PTPRD: variants seen among roughly 807,000 people sequenced by gnomAD.
PTPRD encodes the protein protein tyrosine phosphatase receptor type D.
A neutral mutation model predicts 214.5 loss-of-function variants in PTPRD; 34 were observed. The ratio of observed to expected loss-of-function variants is 0.16; its 90% CI spans 0.12 to 0.21. PTPRD has a LOEUF of 0.21. Among genes scored for constraint, PTPRD ranks in the 10% least tolerant of loss-of-function variants. The pLI is 1.00. For missense variants in PTPRD, 2,545 were observed against 2,398.7 expected, an observed-to-expected ratio of 1.06 and a Z score of -1.27; for synonymous variants, 1,128 against 845.7, an observed-to-expected ratio of 1.33 and a Z score of -5.79.
At chr9:8,920,903 G>A (rs1001880690) in intron 11 of PTPRD, among the ~76,000 whole-genome samples, 3 of 151,848 alleles carry the variant, frequency 2.0e-5, no homozygotes, top group Non-Finnish European at 2.9e-5. Flanking sequence ...AACCTCTGCC[G>A]CACAGGATCA....
chr9:8,590,043 A>C (rs1345921605), intron 14 of PTPRD, among the ~76,000 whole-genome samples: 1 of 152,122 alleles, frequency 6.6e-6, no homozygotes, highest in East Asian at 1.9e-4. Context: ...TGCAATGTTC[A>C]CGAGGTTCCA....
chr9:8,414,971 GAGAC>G (rs1164793377), intron 35 of PTPRD, among the ~76,000 whole-genome samples: 38 of 144,668 alleles, frequency 2.6e-4, no homozygotes, highest in African/African-American at 7.3e-4. Flanking sequence ...GAGAGAGAGA[GAGAC>G]AGACAGACAG....
chr9:8,763,893 C>T (rs766394015), intron 11 of PTPRD, among the ~76,000 whole-genome samples: 60 of 152,130 alleles, frequency 3.9e-4, no homozygotes, highest in Non-Finnish European at 7.5e-4. Context: ...CTCTCATTAG[C>T]TTACTAAATA....
At chr9:9,954,834 G>A (rs1427124342) in intron 4 of PTPRD, among the ~76,000 whole-genome samples, 2 of 151,948 alleles carry the variant, frequency 1.3e-5, no homozygotes, top group Non-Finnish European at 2.9e-5. Flanking sequence ...TCCTTCAAAT[G>A]GCTATATTGA....
At chr9:10,089,999 C>G (rs2098409458) in intron 3 of PTPRD, among the ~76,000 whole-genome samples, 1 of 151,382 alleles carries the variant, frequency 6.6e-6, no homozygotes, top group South Asian at 2.1e-4. Flanking sequence ...CAAGATATTC[C>G]AACACATGCA....
At chr9:9,366,273 A>T (rs2057866596) in intron 9 of PTPRD, among the ~76,000 whole-genome samples, 2 of 151,518 alleles carry the variant, frequency 1.3e-5, no homozygotes, top group African/African-American at 2.4e-5. Context: ...TTAAGCAGGG[A>T]TTCTTTTTGG....
At chr9:9,864,016 A>G (rs1276842719) in intron 5 of PTPRD, among the ~76,000 whole-genome samples, 2 of 152,092 alleles carry the variant, frequency 1.3e-5, no homozygotes, top group Non-Finnish European at 2.9e-5. Context: ...GTAAGTTTGA[A>G]AGGTTTGGCC....
chr9:9,132,686 C>A (rs1035493132), intron 10 of PTPRD, among the ~76,000 whole-genome samples: 33 of 152,170 alleles, frequency 2.2e-4, no homozygotes, highest in African/African-American at 7.5e-4. Flanking sequence ...ATTCAATTTA[C>A]TTTGTCCCTA....
intron 3 of PTPRD, among the ~76,000 whole-genome samples, chr9:10,329,562 A>C (rs2096711639): frequency 6.6e-6 from 1 of 151,860 alleles, no homozygotes. Context: ...GCTTTTGATT[A>C]GAAACAACTT....
At chr9:10,103,314 C>A (rs2098582583) in intron 3 of PTPRD, among the ~76,000 whole-genome samples, 1 of 146,422 alleles carries the variant, frequency 6.8e-6, no homozygotes, top group Non-Finnish European at 1.5e-5. Context: ...TTCCTAAAAC[C>A]AGGAGGTAAG....
At chr9:10,059,830 G>C (rs2097724922) in intron 3 of PTPRD, among the ~76,000 whole-genome samples, 2 of 150,828 alleles carry the variant, frequency 1.3e-5, no homozygotes, top group Admixed American at 6.6e-5. Context: ...TAAGAGTATG[G>C]AAAATAAGGT....
chr9:10,245,865 T>A (rs1444814169), intron 3 of PTPRD, among the ~76,000 whole-genome samples: 1 of 152,130 alleles, frequency 6.6e-6, no homozygotes, highest in Non-Finnish European at 1.5e-5. Flanking sequence ...AGGGATTTTC[T>A]TAAAGCTTCA....
intron 8 of PTPRD, among the ~76,000 whole-genome samples, chr9:9,541,379 A>G (rs2077552561): frequency 6.6e-6 from 1 of 151,804 alleles, no homozygotes; most frequent in Non-Finnish European, 1.5e-5. Context: ...TAGCAGTCAC[A>G]TGGAGAAGAA....
At chr9:10,004,330 A>G (rs979742505) in intron 4 of PTPRD, among the ~76,000 whole-genome samples, 1 of 152,012 alleles carries the variant, frequency 6.6e-6, no homozygotes, top group Non-Finnish European at 1.5e-5. Flanking sequence ...CCATGTGGAA[A>G]CAAAGGAGAA....
chr9:9,254,753 T>A (rs2099976982), intron 9 of PTPRD, among the ~76,000 whole-genome samples: 1 of 152,042 alleles, frequency 6.6e-6, no homozygotes, highest in Non-Finnish European at 1.5e-5. Flanking sequence ...TTCACTGTTT[T>A]TAAACGGTAT....
intron 9 of PTPRD, among the ~76,000 whole-genome samples, chr9:9,302,988 A>C (rs1955973316): frequency 6.6e-6 from 1 of 151,942 alleles, no homozygotes; most frequent in African/African-American, 2.4e-5. Context: ...TATGCTATTC[A>C]AGGGCATGTC....
rs372266216 is a variant in PTPRD at position 10,571,669 on chromosome 9, GT to G, written c.-600+40728del. ...TATATAAAACAGTGGTCCCCAAACC[GT>G]TTTCAGCACCAGGGACCACTTTCAT... On this transcript the variant is annotated intron_variant, in intron 2 of 45. Transcript: ENST00000381196. 2.6e-3 allele frequency among the ~76,000 whole-genome samples: 390 copies of G among 152,224 alleles called. 3 individuals are homozygous for G. The highest frequency in any genetic ancestry group is 8.7e-3 in the African/African-American group (360 of 41,536).
chr9:9,033,648 T>C (rs1430190662), intron 10 of PTPRD, among the ~76,000 whole-genome samples: 1 of 152,068 alleles, frequency 6.6e-6, no homozygotes, highest in African/African-American at 2.4e-5. Flanking sequence ...TGTGCCTGTG[T>C]TTAAACCAAC....
intron 2 of PTPRD, among the ~76,000 whole-genome samples, chr9:10,572,928 T>C (rs1188565803): frequency 1.3e-5 from 2 of 152,176 alleles, no homozygotes; most frequent in African/African-American, 4.8e-5. Flanking sequence ...CTGATGCTTT[T>C]GTTTTATAGC....
Sources: gnomAD v4.1 joint callset for allele counts (sites outside exome capture counted in the v4.1 genomes callset) on GRCh38, gnomAD v4.1.1 for gene constraint, MANE v1.5 for transcripts, NCBI Gene and HGNC (gene_info 2026-07-23, HGNC 2026-07-21) for gene names.